MROH2A: variants seen among roughly 807,000 people sequenced by gnomAD.
MROH2A encodes the protein maestro heat-like repeat-containing protein family member 2A.
A neutral mutation model predicts 200.4 loss-of-function variants in MROH2A; 174 were observed. That is an observed-to-expected ratio of 0.87 (90% CI 0.77 to 0.98). MROH2A has a LOEUF of 0.98. Ranked by LOEUF, MROH2A falls within the 50% of genes least tolerant of loss-of-function variation. The pLI, the probability that MROH2A is intolerant of heterozygous loss-of-function variation, is 0.00. For synonymous variants in MROH2A, 829 were observed against 840.4 expected (o/e 0.99, Z 0.23); for missense variants, 2,045 against 2,139.6 (o/e 0.96, Z 0.87).
chr2:233,793,303 T>C (rs1701899696), intron 6 of MROH2A, among the ~76,000 whole-genome samples: 1 of 152,162 alleles, frequency 6.6e-6, no homozygotes, highest in Non-Finnish European at 1.5e-5. Flanking sequence ...CAGATTTTGA[T>C]TACTTAATGT....
At chr2:233,789,055 C>G (rs1210255835) in intron 3 of MROH2A, among the ~76,000 whole-genome samples, 2 of 151,460 alleles carry the variant, frequency 1.3e-5, no homozygotes, top group African/African-American at 4.9e-5. Flanking sequence ...CTGCCCAATC[C>G]CATCCTAAAC....
intron 1 of MROH2A, among the ~76,000 whole-genome samples, chr2:233,779,061 C>A (rs1411693824): frequency 6.6e-6 from 1 of 152,218 alleles, no homozygotes; most frequent in Non-Finnish European, 1.5e-5. Flanking sequence ...TGGCTGTTTA[C>A]TTTTCAAGGC....
intron 29 of MROH2A, among the ~76,000 whole-genome samples, chr2:233,819,026 T>A (rs193109752): frequency 3.0e-4 from 45 of 152,350 alleles, no homozygotes; most frequent in Admixed American, 2.7e-3. Context: ...TGTGCCACAC[T>A]GAGTGCTGAA....
At position 233,807,847 on chromosome 2, in the gene MROH2A, G is replaced by T; in HGVS notation, c.2287G>T (p.Ala763Ser). ...GTCAGAGCAGTCCTGGCAGATCAGT[G>T]CTTGGCGGGTAAGCCACCTTCCCTC... ...QESEQSWQIS[A>S]WRKDHPWRRE... The change falls in exon 21 of 42, where the codon GCT becomes TCT. Residue 763 changes from alanine (A) to serine (S), a missense_variant. Around this residue, in one of 3 missense-constraint regions of MROH2A, gnomAD observed 1,201 missense variants for 1,311.3 expected, o/e 0.92. Transcript: ENST00000389758. The surrounding 1 kb of genome is among the most constrained non-coding windows in gnomAD (Gnocchi z 4.3). 1.3e-6 allele frequency: 2 copies of T among 1,550,978 alleles called. No homozygotes were observed. Among genetic ancestry groups the T allele is most frequent in the African/African-American group, 1.4e-5 (1 of 73,162 alleles).
intron 7 of MROH2A, 115 bp from the exon 8 acceptor site, chr2:233,794,248 T>C: frequency 1.3e-6 from 1 of 770,894 alleles, no homozygotes; most frequent in South Asian, 1.8e-5. Context: ...GACCTTGCTC[T>C]GCTTCTGAGG....
In MROH2A at chr2:233,829,083, T is replaced by C; in HGVS notation, c.4446+11T>C. On this transcript the variant is annotated intron_variant, in intron 37 of 41. Transcript: ENST00000389758. The stretch of plus-strand genomic sequence containing the variant: ...ATCTTCTTCGACAACGTGAGTCCGA[T>C]GAGAGCCTCCCTGAGCTTGCTCAGT... 2 of 1,500,288 alleles carry C rather than the reference T, an allele frequency of 1.3e-6. No homozygotes were observed. Among genetic ancestry groups the C allele is most frequent in the Admixed American group, 2.2e-5 (1 of 46,224 alleles). The allele number at this position is 1,500,288 out of a possible 1,614,324, so 92.9% of individuals were successfully genotyped here.
rs550685818 is a variant in MROH2A at position 233,813,530 on chromosome 2, G to A, written c.2652-140G>A. On this transcript the variant is annotated intron_variant, in intron 24 of 41. Coordinates refer to ENST00000389758, the MANE Select transcript of MROH2A (RefSeq NM_001394639.1). Reference sequence around the variant, plus strand: ...GTCAGAGCCAGGGCCCCTGGGGAGGGATGCTTGCCAGAGCCTCCAACTGGA... The same window carrying A: ...GTCAGAGCCAGGGCCCCTGGGGAGGAATGCTTGCCAGAGCCTCCAACTGGA... 26 of 603,418 alleles carry A rather than the reference G, an allele frequency of 4.3e-5. No individual in the cohort carries two copies. The East Asian group carries it at 7.0e-4, about 16-fold the overall frequency. 37.4% of individuals were successfully genotyped at this position (603,418 alleles called of 1,614,324 possible).
chr2:233,788,533 G>C (rs1182437644), intron 3 of MROH2A, among the ~76,000 whole-genome samples: 2 of 152,072 alleles, frequency 1.3e-5, no homozygotes, highest in Non-Finnish European at 2.9e-5. Context: ...AATTTGCTAA[G>C]GATTCTGGAC....
In MROH2A at chr2:233,801,415, C is replaced by G. The variant is rs552994385; in HGVS notation, c.1561-753C>G. ...TGGGGTGAAGTTGGAAACACAGCTC[C>G]AAGAATCCATATCAGTCAGGGTTCT... On this transcript the variant is annotated intron_variant, in intron 14 of 41. Transcript: ENST00000389758. 1.1e-4 allele frequency among the ~76,000 whole-genome samples: 16 copies of G among 152,194 alleles called. No individual in the cohort carries two copies. In the East Asian group the frequency reaches 2.9e-3, roughly 28 times the overall value.
chr2:233,782,955 T>TA (rs1701019438), intron 3 of MROH2A, among the ~76,000 whole-genome samples: 2 of 151,970 alleles, frequency 1.3e-5, no homozygotes, highest in African/African-American at 4.8e-5. Context: ...ATACTTTTTT[T>TA]AGCATATATT....
chr2:233,819,239 G>T, intron 29 of MROH2A, 78 bp from the exon 30 acceptor site: 1 of 1,402,826 alleles, frequency 7.1e-7, no homozygotes, highest in East Asian at 2.5e-5. Flanking sequence ...GGGCCATGGG[G>T]TGGGACAGGG....
In MROH2A at chr2:233,796,263, C is replaced by G. The variant is rs1433522158; in HGVS notation, c.1202C>G (p.Ala401Gly). ...AGCCAGATGGAGACAAACAAGGAGGCCGTCCGCGTGGGGACTCTGAATCTG... is the reference window on the plus strand; with the variant it reads ...AGCCAGATGGAGACAAACAAGGAGGGCGTCCGCGTGGGGACTCTGAATCTG... ...FFSQMETNKE[A>G]VRVGTLNLIR... The change falls in exon 11 of 42, where the codon GCC (alanine) becomes GGC (glycine). Residue 401 changes from alanine (A) to glycine (G), a missense_variant. Coordinates refer to ENST00000389758, the MANE Select transcript of MROH2A (RefSeq NM_001394639.1). 7.3e-7 allele frequency: 1 copy of G among 1,376,586 alleles called. No individual in the cohort carries two copies. Among genetic ancestry groups the G allele is most frequent in the East Asian group, 4.0e-5 (1 of 25,006 alleles). 85.3% of individuals were successfully genotyped at this position (1,376,586 alleles called of 1,614,324 possible).
intron 22 of MROH2A, among the ~76,000 whole-genome samples, chr2:233,809,780 G>GTATATATATATA (rs10635266): frequency 6.6e-6 from 1 of 151,488 alleles, no homozygotes; most frequent in African/African-American, 2.4e-5. Context: ...CCATTTTTAA[G>GTATATATATATA]TATATATATA....
Position 233,807,311 on chromosome 2 carries a change from C to A in MROH2A, c.2053-112C>A. Reference sequence around the variant, plus strand: ...CTGCTGTAAACGTGTGTGCAAGTATCTTCTGCACATTAAAATAAATTGAAA... The same window carrying A: ...CTGCTGTAAACGTGTGTGCAAGTATATTCTGCACATTAAAATAAATTGAAA... On this transcript the variant is annotated intron_variant, in intron 19 of 41. Coordinates refer to ENST00000389758, the MANE Select transcript of MROH2A (RefSeq NM_001394639.1). This position sits in a 1 kb window ranked among gnomAD's most constrained non-coding sequence, Gnocchi z 4.3. The A allele has an allele frequency of 8.3e-7, 1 of 1,199,900 alleles. No homozygotes were observed. Among genetic ancestry groups the A allele is most frequent in the Non-Finnish European group, 1.1e-6 (1 of 881,424 alleles). The allele number at this position is 1,199,900 out of a possible 1,614,324, so 74.3% of individuals were successfully genotyped here. A position where few individuals can be genotyped will look rare whatever the true frequency, so the allele number is the denominator to read the frequency against.
In MROH2A at chr2:233,828,829, C is replaced by T. The variant is rs755373431; in HGVS notation, c.4263+50C>T. On this transcript the variant is annotated intron_variant, in intron 36 of 41. Coordinates refer to ENST00000389758, the MANE Select transcript of MROH2A (RefSeq NM_001394639.1). The surrounding 1 kb of genome is among the most constrained non-coding windows in gnomAD (Gnocchi z 4.6). The stretch of plus-strand genomic sequence containing the variant: ...GGTCCCGGGAGCTGAGGGTGCAGGC[C>T]GGGTGCCCTGGTCAGCCTGGGAGGG... 9.7e-6 allele frequency: 15 copies of T among 1,549,026 alleles called. No individual in the cohort carries two copies. The highest frequency in any genetic ancestry group is 6.0e-5 in the South Asian group (5 of 83,946).
intron 15 of MROH2A, 76 bp from the exon 16 acceptor site, chr2:233,803,372 T>C: frequency 4.0e-6 from 6 of 1,486,186 alleles, no homozygotes; most frequent in Non-Finnish European, 5.5e-6. Flanking sequence ...AGGGTAAAGT[T>C]CCTAGATGGG....
Position 233,802,194 on chromosome 2 carries a change from C to T in MROH2A, c.1587C>T (p.Tyr529=). 1 of 1,550,274 alleles carries T rather than the reference C, an allele frequency of 6.5e-7. No individual in the cohort carries two copies. The highest frequency in any genetic ancestry group is 8.7e-7 in the Non-Finnish European group (1 of 1,146,800). The part of the protein sequence containing the change: ...TTEFWVRLLC[Y]IMETDYVEAL... ...AGTTTTGGGTGAGGCTGCTGTGCTA[C>T]ATCATGGAGACAGACTACGTGGAAG... The change falls in exon 15 of 42, where the codon TAC becomes TAT. Residue 529 remains tyrosine, a synonymous_variant. Transcript: ENST00000389758.
chr2:233,779,314 C>T lies in MROH2A; in HGVS notation c.-14-31C>T, dbSNP rs148246504. ...TCATCTTAAGGTGTGTGTCACACCCCGTATTTTACAAATTCTGTTGATCTC... is the reference window on the plus strand; with the variant it reads ...TCATCTTAAGGTGTGTGTCACACCCTGTATTTTACAAATTCTGTTGATCTC... On this transcript the variant is annotated intron_variant, in intron 1 of 41. Coordinates refer to ENST00000389758, the MANE Select transcript of MROH2A (RefSeq NM_001394639.1). The T allele has an allele frequency of 8.0e-4, 1,110 of 1,390,716 alleles. 1 individual carries two copies. Among genetic ancestry groups the T allele is most frequent in the Middle Eastern group, 1.4e-3 (8 of 5,680 alleles). The allele number at this position is 1,390,716 out of a possible 1,614,324, so 86.1% of individuals were successfully genotyped here. A position where few individuals can be genotyped will look rare whatever the true frequency, so the allele number is the denominator to read the frequency against.
intron 6 of MROH2A, 122 bp downstream of exon 6, chr2:233,793,016 G>A: frequency 3.0e-6 from 3 of 996,138 alleles, no homozygotes; most frequent in African/African-American, 1.6e-5. Context: ...GTTCTCCAAA[G>A]GAGTTTGCTT....
Sources: gnomAD v4.1 joint callset for allele counts (sites outside exome capture counted in the v4.1 genomes callset) on GRCh38, gnomAD v4.1.1 for gene constraint, gnomAD v4.1.1 regional missense constraint, Gnocchi (gnomAD v3.1) non-coding constraint, MANE v1.5 for transcripts, NCBI Gene and HGNC (gene_info 2026-07-23, HGNC 2026-07-21) for gene names.